BCAS4: variants seen among roughly 807,000 people sequenced by gnomAD.
BCAS4 encodes the protein breast carcinoma-amplified sequence 4.
BCAS4 carries 9 observed loss-of-function variants against 15.7 expected under a neutral mutation model. The ratio of observed to expected loss-of-function variants is 0.57; its 90% CI spans 0.34 to 1.00. The LOEUF (loss-of-function observed/expected upper bound fraction) is 1.00. Ranked by LOEUF, BCAS4 falls within the 50% of genes least tolerant of loss-of-function variation. The pLI, the probability that BCAS4 is intolerant of heterozygous loss-of-function variation, is 0.02. For missense variants in BCAS4, 225 were observed against 239.1 expected (o/e 0.94, Z 0.39); for synonymous variants, 101 against 99.5 (o/e 1.02, Z -0.09).
intron 2 of BCAS4, among the ~76,000 whole-genome samples, chr20:50,819,907 G>A (rs2088193052): frequency 6.6e-6 from 1 of 151,846 alleles, no homozygotes; most frequent in South Asian, 2.1e-4. Context: ...CTGGAGTGCC[G>A]TGATGCAATC....
At chr20:50,861,023 C>T (rs1030591811) in intron 4 of BCAS4, among the ~76,000 whole-genome samples, 6 of 149,888 alleles carry the variant, frequency 4.0e-5, no homozygotes, top group Admixed American at 1.3e-4. Context: ...AGTCTGGATA[C>T]GTTTGCAGGC....
intron 1 of BCAS4, among the ~76,000 whole-genome samples, chr20:50,797,904 A>T (rs922430272): frequency 1.9e-4 from 29 of 151,586 alleles, no homozygotes; most frequent in Non-Finnish European, 1.5e-5. Context: ...GCCTCAGGTG[A>T]TCTGCCCGCC....
intron 1 of BCAS4, among the ~76,000 whole-genome samples, chr20:50,817,554 C>T (rs1350132883): frequency 2.0e-5 from 3 of 152,110 alleles, no homozygotes; most frequent in African/African-American, 7.2e-5. Context: ...CCTCCGCCTC[C>T]TAGGTTCAAG....
intron 4 of BCAS4, among the ~76,000 whole-genome samples, chr20:50,863,062 C>T (rs1177753526): frequency 6.6e-6 from 1 of 151,854 alleles, no homozygotes; most frequent in Admixed American, 6.6e-5. Flanking sequence ...AACTCCTGAG[C>T]TCAAGTGATC....
chr20:50,807,523 A>G (rs923836147), intron 1 of BCAS4, among the ~76,000 whole-genome samples: 1 of 152,172 alleles, frequency 6.6e-6, no homozygotes, highest in Admixed American at 6.6e-5. Flanking sequence ...TAATTTTAAT[A>G]GGTTTTTGGG....
chr20:50,794,974 C>G, upstream of BCAS4: 1 of 1,242,278 alleles, frequency 8.0e-7, no homozygotes, highest in Non-Finnish European at 1.0e-6. Flanking sequence ...GCCCCGCCTC[C>G]GCCAGGCGGT....
chr20:50,820,596 A>G (rs1474679022), intron 2 of BCAS4, among the ~76,000 whole-genome samples: 1 of 152,166 alleles, frequency 6.6e-6, no homozygotes, highest in Non-Finnish European at 1.5e-5. Flanking sequence ...TTCAAATCCC[A>G]TCCCGTCATC....
At chr20:50,834,351 A>AGT (rs1412143322) in intron 3 of BCAS4, among the ~76,000 whole-genome samples, 2 of 136,364 alleles carry the variant, frequency 1.5e-5, no homozygotes, top group Non-Finnish European at 3.0e-5. Context: ...GCTGGAGTGC[A>AGT]GTGGCGGAAT....
chr20:50,862,823 C>A (rs1979156658), intron 4 of BCAS4, among the ~76,000 whole-genome samples: 1 of 152,102 alleles, frequency 6.6e-6, no homozygotes, highest in African/African-American at 2.4e-5. Context: ...TCTCGTTTTG[C>A]ACTCAGGGCT....
At chr20:50,848,990 G>T (rs542305587) in intron 4 of BCAS4, among the ~76,000 whole-genome samples, 1 of 152,376 alleles carries the variant, frequency 6.6e-6, no homozygotes, top group East Asian at 1.9e-4. Flanking sequence ...AGGCATGTGC[G>T]GAAGTGAAAG....
At chr20:50,834,272 C>T (rs1250708738) in intron 3 of BCAS4, among the ~76,000 whole-genome samples, 2 of 151,318 alleles carry the variant, frequency 1.3e-5, no homozygotes, top group African/African-American at 4.9e-5. Context: ...AGTTGCTGCC[C>T]AGGCTGGTCT....
intron 4 of BCAS4, among the ~76,000 whole-genome samples, chr20:50,868,011 A>G (rs1979442202): frequency 6.6e-6 from 1 of 152,180 alleles, no homozygotes; most frequent in Admixed American, 6.5e-5. Context: ...GATGACCTTG[A>G]CAGTTTTGAG....
intron 3 of BCAS4, among the ~76,000 whole-genome samples, chr20:50,833,814 A>T (rs2088373629): frequency 6.6e-6 from 1 of 152,058 alleles, no homozygotes; most frequent in Admixed American, 6.5e-5. Flanking sequence ...GCTTCCCTGC[A>T]GGTGGTCCTG....
rs371156169 is a variant in BCAS4 at position 50,830,321 on chromosome 20, G to A, written c.205G>A (p.Val69Ile). The change falls in exon 3 of 5, where the codon GTC becomes ATC. Residue 69 changes from valine (V) to isoleucine (I), a missense_variant. Val to Ile is a conservative substitution (Grantham distance 29). Coordinates refer to ENST00000371608, the MANE Select transcript of BCAS4 (RefSeq NM_198799.4). ...TSQILEENIP[V>I]LKAKLTEMRG... ...ACAGATCCTGGAGGAAAACATCCCA[G>A]TCCTTAAGGCCAAACTGACAGAAAT... 6.2e-7 allele frequency: 1 copy of A among 1,613,984 alleles called. No individual in the cohort carries two copies. Among genetic ancestry groups the A allele is most frequent in the African/African-American group, 1.3e-5 (1 of 74,936 alleles).
chr20:50,797,790 C>T (rs974951644), intron 1 of BCAS4, among the ~76,000 whole-genome samples: 1 of 151,964 alleles, frequency 6.6e-6, no homozygotes, highest in African/African-American at 2.4e-5. Context: ...CTCAGCCTCC[C>T]GAGTAGCTGG....
At chr20:50,836,209 C>G (rs2088407917) in intron 3 of BCAS4, among the ~76,000 whole-genome samples, 1 of 152,196 alleles carries the variant, frequency 6.6e-6, no homozygotes, top group African/African-American at 2.4e-5. Flanking sequence ...AGCCACTGCG[C>G]CTGGCTGGTG....
intron 2 of BCAS4, among the ~76,000 whole-genome samples, chr20:50,823,354 A>C (rs1275341902): frequency 6.6e-6 from 1 of 152,212 alleles, no homozygotes; most frequent in Non-Finnish European, 1.5e-5. Context: ...GCCCAAAAAA[A>C]AAAGAAGGCT....
intron 2 of BCAS4, among the ~76,000 whole-genome samples, chr20:50,826,611 G>A (rs2088280458): frequency 6.6e-6 from 1 of 152,120 alleles, no homozygotes. Context: ...GCCTCGCTAT[G>A]TTGCCCAGGC....
chr20:50,871,985 C>T (rs776488800), intron 4 of BCAS4, among the ~76,000 whole-genome samples: 1 of 152,202 alleles, frequency 6.6e-6, no homozygotes, highest in Admixed American at 6.5e-5. Flanking sequence ...TGCAGCCGGG[C>T]ATGGTGGCTC....
Sources: gnomAD v4.1 joint callset for allele counts (sites outside exome capture counted in the v4.1 genomes callset) on GRCh38, gnomAD v4.1.1 for gene constraint, MANE v1.5 for transcripts, NCBI Gene and HGNC (gene_info 2026-07-23, HGNC 2026-07-21) for gene names.